The following KLHL3 variants were observed in gnomAD, a reference collection of about 807,000 sequenced individuals.
The protein encoded by KLHL3 is kelch-like protein 3.
Under a neutral mutation model 70.5 loss-of-function variants are expected in KLHL3, and 19 were observed. The observed-to-expected ratio is 0.27, with a 90% confidence interval of 0.19 to 0.40. The LOEUF is 0.40. Among genes scored for constraint, KLHL3 ranks in the 10% least tolerant of loss-of-function variants. The probability of loss-of-function intolerance (pLI) is 1.00; values close to 1 mark genes in which losing one functional copy is unlikely to be tolerated. For synonymous variants in KLHL3, 258 were observed against 290.3 expected (o/e 0.89, Z 1.13); for missense variants, 512 against 771.1 (o/e 0.66, Z 3.98).
intron 5 of KLHL3, among the ~76,000 whole-genome samples, chr5:137,690,380 A>G (rs1034377128): frequency 1.3e-5 from 2 of 151,734 alleles, no homozygotes; most frequent in African/African-American, 4.8e-5. Flanking sequence ...ACACCCATCC[A>G]TCTAGAAAGT....
At chr5:137,663,907 G>A (rs1751549050) in intron 6 of KLHL3, among the ~76,000 whole-genome samples, 1 of 152,284 alleles carries the variant, frequency 6.6e-6, no homozygotes, top group African/African-American at 2.4e-5. Context: ...TGAGGGGAAG[G>A]AGGGTCAGGG....
chr5:137,723,581 A>G (rs1753037728), intron 1 of KLHL3, among the ~76,000 whole-genome samples: 1 of 152,224 alleles, frequency 6.6e-6, no homozygotes, highest in Non-Finnish European at 1.5e-5. Context: ...AATTCACCAT[A>G]TATCCAGCCA....
chr5:137,627,894 G>A (rs767975799), intron 13 of KLHL3, among the ~76,000 whole-genome samples: 9 of 152,198 alleles, frequency 5.9e-5, no homozygotes, highest in Non-Finnish European at 1.2e-4. Flanking sequence ...AGTTCTCCTA[G>A]CCAGGCACTG....
At chr5:137,651,392 C>A (rs957865134) in intron 8 of KLHL3, among the ~76,000 whole-genome samples, 1 of 152,178 alleles carries the variant, frequency 6.6e-6, no homozygotes, top group Non-Finnish European at 1.5e-5. Flanking sequence ...CATTAAATAA[C>A]CTTTCTCATC....
chr5:137,659,806 G>A (rs1332485010), intron 7 of KLHL3, among the ~76,000 whole-genome samples: 1 of 152,054 alleles, frequency 6.6e-6, no homozygotes, highest in Non-Finnish European at 1.5e-5. Flanking sequence ...CCTCTAAATT[G>A]TACACTTAAA....
chr5:137,694,393 T>C (rs1752396247), intron 4 of KLHL3, among the ~76,000 whole-genome samples: 1 of 152,178 alleles, frequency 6.6e-6, no homozygotes, highest in Non-Finnish European at 1.5e-5. Flanking sequence ...TTTTGGACTA[T>C]AAATGAACAC....
intron 1 of KLHL3, among the ~76,000 whole-genome samples, chr5:137,733,858 C>T (rs538862550): frequency 2.9e-4 from 44 of 152,308 alleles, no homozygotes; most frequent in African/African-American, 1.0e-3. Flanking sequence ...AAGACTTGAA[C>T]GCGTGGCATG....
At chr5:137,709,620 C>T (rs892685984) in intron 3 of KLHL3, 130 bp downstream of exon 3, 23 of 708,774 alleles carry the variant, frequency 3.2e-5, no homozygotes, top group African/African-American at 7.0e-5. Flanking sequence ...CACTATCTGG[C>T]GTAGAGAAGC....
chr5:137,650,975 G>C (rs1256289079), intron 8 of KLHL3, among the ~76,000 whole-genome samples: 1 of 152,154 alleles, frequency 6.6e-6, no homozygotes, highest in Non-Finnish European at 1.5e-5. Flanking sequence ...TTCAAATTTG[G>C]ACTTGTAGGC....
intron 6 of KLHL3, 166 bp downstream of exon 6, chr5:137,677,379 C>T (rs557637542): frequency 4.2e-5 from 20 of 471,892 alleles, no homozygotes; most frequent in Middle Eastern, 3.2e-4. Context: ...ACCTGGGAGG[C>T]GGAGGTTGCA....
intron 5 of KLHL3, 121 bp from the exon 6 acceptor site, chr5:137,677,775 G>A (rs1303131433): frequency 1.3e-5 from 7 of 531,766 alleles, no homozygotes; most frequent in African/African-American, 2.0e-5. Flanking sequence ...ACCATGGAGG[G>A]AAAGGGAGTG....
chr5:137,637,216 C>G, intron 11 of KLHL3, 78 bp downstream of exon 11: 1 of 1,146,634 alleles, frequency 8.7e-7, no homozygotes, highest in Admixed American at 1.7e-5. Flanking sequence ...GTAGAGGAAG[C>G]ACCAAGCATG....
At chr5:137,686,557 G>C (rs1752167644) in intron 5 of KLHL3, among the ~76,000 whole-genome samples, 1 of 152,218 alleles carries the variant, frequency 6.6e-6, no homozygotes, top group African/African-American at 2.4e-5. Flanking sequence ...TCAAGGCCTG[G>C]GTCCAGGGAG....
At chr5:137,692,978 T>C (rs76808537) in intron 4 of KLHL3, among the ~76,000 whole-genome samples, 1 of 152,174 alleles carries the variant, frequency 6.6e-6, no homozygotes, top group Non-Finnish European at 1.5e-5. Context: ...CATTAAGATG[T>C]TTTTTAAAGC....
At chr5:137,715,911 T>C (rs1228732636) in intron 2 of KLHL3, among the ~76,000 whole-genome samples, 2 of 152,236 alleles carry the variant, frequency 1.3e-5, no homozygotes, top group Non-Finnish European at 2.9e-5. Flanking sequence ...AGCCTCATTT[T>C]ATGGTTGACA....
At chr5:137,693,822 G>A (rs1382451566) in intron 4 of KLHL3, among the ~76,000 whole-genome samples, 1 of 151,924 alleles carries the variant, frequency 6.6e-6, no homozygotes, top group Non-Finnish European at 1.5e-5. Context: ...GGCTGCAGAT[G>A]CATTTGTTTT....
intron 8 of KLHL3, among the ~76,000 whole-genome samples, chr5:137,647,273 C>T (rs931483278): frequency 2.0e-5 from 3 of 152,184 alleles, no homozygotes; most frequent in Admixed American, 6.5e-5. Flanking sequence ...ATTCTACCAG[C>T]GTGACTGTGG....
In KLHL3 at chr5:137,639,729, G is replaced by A. The variant is rs1441880001; in HGVS notation, c.1021+131C>T. 1.0e-5 allele frequency: 6 copies of A among 584,782 alleles called. No individual in the cohort carries two copies. Among genetic ancestry groups the A allele is most frequent in the South Asian group, 2.1e-5 (1 of 48,162 alleles). 36.2% of individuals were successfully genotyped at this position (584,782 alleles called of 1,614,324 possible). A position where few individuals can be genotyped will look rare whatever the true frequency, so the allele number is the denominator to read the frequency against. On this transcript the variant is annotated intron_variant, in intron 9 of 14. Coordinates refer to ENST00000309755, the MANE Select transcript of KLHL3 (RefSeq NM_017415.3). The surrounding 1 kb of genome is among the most constrained non-coding windows in gnomAD (Gnocchi z 5.0). ...CAACAACCAAAAAAAAAAAAAAAGT[G>A]TGCAGGAGGGAAACGAATGGGAGCC...
intron 4 of KLHL3, among the ~76,000 whole-genome samples, chr5:137,698,075 C>A (rs1161215979): frequency 6.6e-6 from 1 of 152,216 alleles, no homozygotes; most frequent in Non-Finnish European, 1.5e-5. Flanking sequence ...TGGCTAAAAG[C>A]ATGGGTGCCC....
Sources: gnomAD v4.1 joint callset for allele counts (sites outside exome capture counted in the v4.1 genomes callset) on GRCh38, gnomAD v4.1.1 for gene constraint, Gnocchi (gnomAD v3.1) non-coding constraint, MANE v1.5 for transcripts, NCBI Gene and HGNC (gene_info 2026-07-23, HGNC 2026-07-21) for gene names.